RNF180: variants seen among roughly 807,000 people sequenced by gnomAD.
RNF180 encodes ring finger protein 180, also known as E3 ubiquitin-protein ligase RNF180.
Under a neutral mutation model 59.2 loss-of-function variants are expected in RNF180, and 38 were observed. The observed-to-expected ratio is 0.64, with a 90% CI of 0.50 to 0.84. RNF180 has a LOEUF of 0.84. Among genes scored for constraint, RNF180 ranks in the 40% least tolerant of loss-of-function variants. The pLI is 0.00. For missense variants in RNF180, 705 were observed against 700.9 expected (o/e 1.01, Z -0.07); for synonymous variants, 262 against 240.3 (o/e 1.09, Z -0.84).
chr5:64,184,408 T>A (rs1253473273), intron 1 of RNF180, among the ~76,000 whole-genome samples: 1 of 152,176 alleles, frequency 6.6e-6, no homozygotes, highest in Admixed American at 6.5e-5. Flanking sequence ...CTATTGATGG[T>A]TTTGTCTAGA....
intron 1 of RNF180, among the ~76,000 whole-genome samples, chr5:64,177,742 T>C (rs890370246): frequency 6.6e-6 from 1 of 151,876 alleles, no homozygotes; most frequent in Non-Finnish European, 1.5e-5. Context: ...CATACTCAGA[T>C]GAGGTAACTG....
chr5:64,340,885 A>G (rs909193489), intron 7 of RNF180, among the ~76,000 whole-genome samples: 1 of 152,254 alleles, frequency 6.6e-6, no homozygotes, highest in Admixed American at 6.5e-5. Context: ...TATTTTAAAA[A>G]TTATGAGCAG....
intron 5 of RNF180, among the ~76,000 whole-genome samples, chr5:64,256,886 G>T (rs555934952): frequency 6.6e-6 from 1 of 152,194 alleles, no homozygotes; most frequent in Non-Finnish European, 1.5e-5. Context: ...GTTGAGCAGT[G>T]GTTTGTAGTT....
At chr5:64,211,837 A>G (rs1752327240) in intron 2 of RNF180, among the ~76,000 whole-genome samples, 1 of 152,162 alleles carries the variant, frequency 6.6e-6, no homozygotes, top group South Asian at 2.1e-4. Context: ...CCTCAATGAG[A>G]TGGAAGGGCT....
intron 5 of RNF180, among the ~76,000 whole-genome samples, chr5:64,251,342 A>G (rs912691140): frequency 2.0e-4 from 31 of 152,344 alleles, no homozygotes; most frequent in Middle Eastern, 3.4e-3. Context: ...GACCCTAGCC[A>G]TAGCAATTAG....
chr5:64,191,204 T>C (rs1302359149), intron 1 of RNF180, among the ~76,000 whole-genome samples: 1 of 152,226 alleles, frequency 6.6e-6, no homozygotes, highest in Non-Finnish European at 1.5e-5. Flanking sequence ...TATTTCTGTA[T>C]GGAAAGTACA....
At chr5:64,349,350 TTAA>T (rs1194221600) in intron 7 of RNF180, among the ~76,000 whole-genome samples, 1 of 152,076 alleles carries the variant, frequency 6.6e-6, no homozygotes, top group Non-Finnish European at 1.5e-5. Flanking sequence ...TACTTTTGTT[TTAA>T]TAAAGTTTTT....
At chr5:64,348,661 T>C (rs1272359474) in intron 7 of RNF180, among the ~76,000 whole-genome samples, 5 of 152,060 alleles carry the variant, frequency 3.3e-5, no homozygotes, top group Non-Finnish European at 7.4e-5. Flanking sequence ...TTTTTCTAAA[T>C]TGAATTGTCA....
Position 64,227,640 on chromosome 5 carries a change from A to G in RNF180, c.1227+10244A>G, listed in dbSNP as rs537342412. On this transcript the variant is annotated intron_variant, in intron 5 of 7. Coordinates refer to ENST00000389100, the MANE Select transcript of RNF180 (RefSeq NM_001113561.2). ...TCTTGGTTCACATACTCTGCAAAGAAATGACTAAGACTAGTTCTTCTGGAG... is the reference window on the plus strand; with the variant it reads ...TCTTGGTTCACATACTCTGCAAAGAGATGACTAAGACTAGTTCTTCTGGAG... Among the ~76,000 whole-genome samples, 10 of 152,344 alleles carry G rather than the reference A, an allele frequency of 6.6e-5. No homozygotes were observed. The South Asian group carries it at 1.7e-3, about 25-fold the overall frequency.
chr5:64,299,003 T>C (rs1000512075), intron 5 of RNF180, among the ~76,000 whole-genome samples: 6 of 151,968 alleles, frequency 3.9e-5, no homozygotes, highest in African/African-American at 1.4e-4. Flanking sequence ...ATGGTGTTGT[T>C]AGTATGGCCT....
At chr5:64,202,465 TGTG>T (rs1055510718) in intron 2 of RNF180, among the ~76,000 whole-genome samples, 2 of 152,200 alleles carry the variant, frequency 1.3e-5, no homozygotes, top group Non-Finnish European at 2.9e-5. Flanking sequence ...TTATAAATTT[TGTG>T]GTCATGTTTT....
chr5:64,166,979 A>G (rs967219719), intron 1 of RNF180, among the ~76,000 whole-genome samples: 1 of 152,222 alleles, frequency 6.6e-6, no homozygotes, highest in African/African-American at 2.4e-5. Context: ...GACTCCTGTT[A>G]TAGTACCCCT....
intron 5 of RNF180, among the ~76,000 whole-genome samples, chr5:64,299,042 G>A (rs964254410): frequency 6.6e-6 from 1 of 151,858 alleles, no homozygotes; most frequent in African/African-American, 2.4e-5. Context: ...TAGGTAACAG[G>A]GCAGAGCAAC....
chr5:64,239,207 A>C (rs1219661120), intron 5 of RNF180, among the ~76,000 whole-genome samples: 1 of 152,164 alleles, frequency 6.6e-6, no homozygotes, highest in African/African-American at 2.4e-5. Context: ...CTTGCTACTC[A>C]AGGTGGGATT....
chr5:64,354,231 T>C (rs777224888), intron 7 of RNF180, among the ~76,000 whole-genome samples: 11 of 151,566 alleles, frequency 7.3e-5, no homozygotes, highest in Non-Finnish European at 1.6e-4. Context: ...CTGACAAAGA[T>C]AAAAGAGAGA....
chr5:64,244,224 A>G (rs1743007192), intron 5 of RNF180, among the ~76,000 whole-genome samples: 1 of 152,176 alleles, frequency 6.6e-6, no homozygotes, highest in Non-Finnish European at 1.5e-5. Flanking sequence ...AGGGAACAAA[A>G]CTGGATGGAG....
intron 1 of RNF180, among the ~76,000 whole-genome samples, chr5:64,192,915 A>G (rs372918151): frequency 0.11 from 10,866 of 95,204 alleles, 774 homozygotes; most frequent in South Asian, 0.2. Context: ...ATATATATAT[A>G]TATATATATA....
intron 5 of RNF180, among the ~76,000 whole-genome samples, chr5:64,225,988 C>T (rs1242978719): frequency 7.0e-6 from 1 of 143,280 alleles, no homozygotes; most frequent in Non-Finnish European, 1.5e-5. Context: ...GCCCGGCCGC[C>T]CCTTCTGGGA....
intron 7 of RNF180, among the ~76,000 whole-genome samples, chr5:64,366,895 T>G (rs1319180077): frequency 6.6e-6 from 1 of 151,466 alleles, no homozygotes; most frequent in African/African-American, 2.4e-5. Flanking sequence ...AATCCCCAAA[T>G]AGACATACTG....
Sources: gnomAD v4.1 joint callset for allele counts (sites outside exome capture counted in the v4.1 genomes callset) on GRCh38, gnomAD v4.1.1 for gene constraint, MANE v1.5 for transcripts, NCBI Gene and HGNC (gene_info 2026-07-23, HGNC 2026-07-21) for gene names.